INO80: variants seen among roughly 807,000 people sequenced by gnomAD.
INO80 encodes the protein INO80 complex ATPase subunit.
INO80 carries 20 observed loss-of-function variants against 203.4 expected under a neutral mutation model. The ratio of observed to expected loss-of-function variants is 0.10; its 90% CI spans 0.07 to 0.14. The LOEUF is 0.14. INO80 is among the 10% of genes least tolerant of loss of function. INO80 has a pLI of 1.00. For synonymous variants in INO80, 726 were observed against 685.2 expected (o/e 1.06, Z -0.93); for missense variants, 1,419 against 1,914.4 (o/e 0.74, Z 4.83).
Position 41,048,255 on chromosome 15 carries a change from T to C in INO80, c.2598A>G (p.Pro866=). 1.9e-6 allele frequency: 3 copies of C among 1,613,242 alleles called. No homozygotes were observed. Among genetic ancestry groups the C allele is most frequent in the South Asian group, 1.1e-5 (1 of 91,036 alleles). Residue 866 remains proline (P), a synonymous_variant, in exon 22 of 36, where the codon CCA becomes CCG. Coordinates refer to ENST00000648947, the MANE Select transcript of INO80 (RefSeq NM_017553.3). ...SRDRWLRVLS[P]FAPDYIQRSL... is the part of the protein sequence containing the mutation. ...ACCGTTGGATATAGTCTGGTGCAAA[T>C]GGAGAAAGAACCCTTAACCACCTGC...
chr15:41,077,471 T>G (rs1056881677), intron 9 of INO80, among the ~76,000 whole-genome samples: 1 of 151,618 alleles, frequency 6.6e-6, no homozygotes, highest in East Asian at 1.9e-4. Flanking sequence ...AGATCCAAAA[T>G]AGAAGAAAAC....
chr15:41,068,120 G>A (rs917703694), intron 14 of INO80, among the ~76,000 whole-genome samples: 1 of 152,134 alleles, frequency 6.6e-6, no homozygotes, highest in Non-Finnish European at 1.5e-5. Context: ...TCAGACTTTA[G>A]AGTATTAAGA....
At chr15:41,044,781 C>G (rs920439401) in intron 24 of INO80, 123 bp downstream of exon 24, 2 of 753,476 alleles carry the variant, frequency 2.7e-6, no homozygotes, top group African/African-American at 3.6e-5. Flanking sequence ...TGCTGCACCG[C>G]CCACTCCTCT....
intron 24 of INO80, among the ~76,000 whole-genome samples, chr15:41,035,533 A>C (rs1011891315): frequency 1.3e-5 from 2 of 151,948 alleles, no homozygotes; most frequent in African/African-American, 4.8e-5. Context: ...CTCTAAAAAA[A>C]AAAAAAGACC....
chr15:40,987,939 C>A lies in INO80; in HGVS notation c.3606G>T (p.Val1202=), dbSNP rs143194453. 9.3e-6 allele frequency: 15 copies of A among 1,613,910 alleles called. No homozygotes were observed. In the African/African-American group the frequency reaches 2.0e-4, roughly 22 times the overall value. ...IFYDSDWNPT[V]DQQAMDRAHR... ...GGGCCCTGTCCATGGCCTGCTGGTC[C>A]ACAGTGGGGTTCCAGTCGCTATCAT... Residue 1202 remains valine, a synonymous_variant, in exon 30 of 36, where the codon GTG becomes GTT. Coordinates refer to ENST00000648947, the MANE Select transcript of INO80 (RefSeq NM_017553.3).
chr15:41,007,168 CT>C (rs1210127914), intron 27 of INO80, among the ~76,000 whole-genome samples: 5,197 of 128,500 alleles, frequency 0.04, 326 homozygotes, highest in African/African-American at 0.14. Flanking sequence ...CACAGGCACT[CT>C]TTTTTTTTTT....
intron 13 of INO80, 119 bp from the exon 14 acceptor site, chr15:41,069,784 G>A (rs1278078371): frequency 1.6e-6 from 1 of 615,838 alleles, no homozygotes; most frequent in African/African-American, 1.9e-5. Flanking sequence ...GAAACAGTGA[G>A]TAAATCCCAA....
intron 9 of INO80, among the ~76,000 whole-genome samples, chr15:41,075,462 G>A (rs531606623): frequency 2.6e-5 from 4 of 151,308 alleles, no homozygotes; most frequent in Admixed American, 1.3e-4. Context: ...TTTTGGCGGC[G>A]GGGGAGGCGG....
chr15:41,081,034 T>C lies in INO80; in HGVS notation c.913A>G (p.Thr305Ala), dbSNP rs777374954. 6.3e-7 allele frequency: 1 copy of C among 1,599,236 alleles called. No individual in the cohort carries two copies. Among genetic ancestry groups the C allele is most frequent in the Non-Finnish European group, 8.6e-7 (1 of 1,167,098 alleles). The stretch of plus-strand genomic sequence containing the variant: ...TACAATTTTACCTTTCGGCTATTGG[T>C]GAGAAACAGGTTACGAGCTGAAGCT... ...QKASARNLFL[T>A]NSRKLAHQCM... Residue 305 changes from threonine to alanine, a missense_variant, in exon 8 of 36, where the codon ACC becomes GCC. Coordinates refer to ENST00000648947, the MANE Select transcript of INO80 (RefSeq NM_017553.3).
chr15:41,066,018 G>A (rs1433146092), intron 14 of INO80, among the ~76,000 whole-genome samples: 1 of 142,760 alleles, frequency 7.0e-6, no homozygotes, highest in Non-Finnish European at 1.5e-5. Context: ...TTGAGACAGA[G>A]TTGTGCTCTT....
chr15:41,096,085 A>C, intron 2 of INO80, 83 bp downstream of exon 2: 1 of 1,451,010 alleles, frequency 6.9e-7, no homozygotes, highest in Admixed American at 2.5e-5. Context: ...AAAAATCATA[A>C]GATACTTTAA....
intron 24 of INO80, among the ~76,000 whole-genome samples, chr15:41,038,011 C>CTTTT (rs748525965): frequency 3.2e-4 from 29 of 89,788 alleles, no homozygotes; most frequent in Non-Finnish European, 3.8e-4. Flanking sequence ...CTTCCCTTTT[C>CTTTT]TTTTTTTTTT....
Position 41,087,798 on chromosome 15 carries a change from C to T in INO80, c.538-116G>A, listed in dbSNP as rs190371288. The T allele has an allele frequency of 4.9e-6, 5 of 1,014,256 alleles. No individual in the cohort carries two copies. In the Admixed American group the frequency reaches 1.5e-4, roughly 31 times the overall value. 62.8% of individuals were successfully genotyped at this position (1,014,256 alleles called of 1,614,324 possible). On this transcript the variant is annotated intron_variant, in intron 5 of 35. Coordinates refer to ENST00000648947, the MANE Select transcript of INO80 (RefSeq NM_017553.3). ...TAGCTCCTAAATACAGTATTCTTCC[C>T]ACAAAGAGATCAGTAACATCTAGTA...
At chr15:40,982,813 G>C in intron 35 of INO80, 49 bp downstream of exon 35, 1 of 1,449,360 alleles carries the variant, frequency 6.9e-7, no homozygotes, top group African/African-American at 1.4e-5. Flanking sequence ...AGAATTTCTA[G>C]ACTGTCTCTG....
At chr15:41,089,531 C>T (rs529566512) in intron 5 of INO80, among the ~76,000 whole-genome samples, 1 of 152,168 alleles carries the variant, frequency 6.6e-6, no homozygotes, top group African/African-American at 2.4e-5. Context: ...GCGGGTGGAT[C>T]ACCTGAGTCT....
chr15:41,079,640 A>C (rs2140623217), intron 9 of INO80, 61 bp downstream of exon 9: 1 of 1,497,678 alleles, frequency 6.7e-7, no homozygotes, highest in South Asian at 1.1e-5. Flanking sequence ...CAAAATGCAA[A>C]CGAATCTCTT....
intron 1 of INO80, among the ~76,000 whole-genome samples, chr15:41,098,362 T>C (rs138449724): frequency 1.7e-3 from 259 of 152,292 alleles, no homozygotes; most frequent in African/African-American, 5.7e-3. Flanking sequence ...ATGTTTACAC[T>C]TTAAAATATA....
chr15:41,036,323 C>G (rs1400771670), intron 24 of INO80, among the ~76,000 whole-genome samples: 1 of 151,960 alleles, frequency 6.6e-6, no homozygotes, highest in Non-Finnish European at 1.5e-5. Flanking sequence ...GGCTAAAATC[C>G]ATAGTTGAGC....
chr15:40,984,677 G>A (rs1033694665), intron 32 of INO80, among the ~76,000 whole-genome samples: 3 of 151,552 alleles, frequency 2.0e-5, no homozygotes, highest in Non-Finnish European at 4.4e-5. Flanking sequence ...CAATAATAGA[G>A]TTTAAAGTTG....
Sources: gnomAD v4.1 joint callset for allele counts (sites outside exome capture counted in the v4.1 genomes callset) on GRCh38, gnomAD v4.1.1 for gene constraint, MANE v1.5 for transcripts, NCBI Gene and HGNC (gene_info 2026-07-23, HGNC 2026-07-21) for gene names.